Variants in GFRA2 observed in about 807,000 individuals in gnomAD.
The protein encoded by GFRA2 is GDNF family receptor alpha 2.
In GFRA2, 17 loss-of-function variants were observed where a neutral mutation model predicts 48.3. The observed-to-expected ratio is 0.35, with a 90% CI of 0.24 to 0.53. The LOEUF (loss-of-function observed/expected upper bound fraction) is 0.53. GFRA2 is among the 20% of genes least tolerant of loss of function. GFRA2 has a pLI of 0.93. For synonymous variants in GFRA2, 305 were observed against 257.2 expected, an observed-to-expected ratio of 1.19 and a Z score of -1.78; for missense variants, 660 against 637.3, an observed-to-expected ratio of 1.04 and a Z score of -0.38.
At chr8:21,751,853 T>C (rs1315371515) in intron 3 of GFRA2, among the ~76,000 whole-genome samples, 1 of 152,042 alleles carries the variant, frequency 6.6e-6, no homozygotes, top group Non-Finnish European at 1.5e-5. Flanking sequence ...CCGTGTTAGA[T>C]ATAAAAGCGC....
At chr8:21,749,362 T>C (rs1368252792) in intron 4 of GFRA2, among the ~76,000 whole-genome samples, 3 of 152,060 alleles carry the variant, frequency 2.0e-5, no homozygotes, top group African/African-American at 7.2e-5. Context: ...AATAACCCTG[T>C]GACGTGGGTA....
intron 2 of GFRA2, among the ~76,000 whole-genome samples, chr8:21,798,715 G>T (rs1807719536): frequency 6.6e-6 from 1 of 152,272 alleles, no homozygotes; most frequent in East Asian, 1.9e-4. Flanking sequence ...GAGTTCTGGG[G>T]ACCACCCTTC....
At chr8:21,743,277 G>C (rs1804843774) in intron 4 of GFRA2, among the ~76,000 whole-genome samples, 1 of 152,136 alleles carries the variant, frequency 6.6e-6, no homozygotes, top group Non-Finnish European at 1.5e-5. Flanking sequence ...GCTTTGCTCT[G>C]GGGCTGGATG....
chr8:21,713,741 A>G (rs566492270), intron 4 of GFRA2, among the ~76,000 whole-genome samples: 3 of 152,306 alleles, frequency 2.0e-5, no homozygotes, highest in African/African-American at 7.2e-5. Context: ...CGGACAAGCA[A>G]TATCTGAAAT....
At chr8:21,694,627 C>G in intron 7 of GFRA2, 110 bp from the exon 8 acceptor site, 1 of 946,556 alleles carries the variant, frequency 1.1e-6, no homozygotes, top group Non-Finnish European at 1.7e-6. Flanking sequence ...CCGCTAAGCA[C>G]AGCCAGCGCA....
At chr8:21,805,429 G>A (rs1391277170) in intron 1 of GFRA2, among the ~76,000 whole-genome samples, 4 of 152,174 alleles carry the variant, frequency 2.6e-5, no homozygotes, top group Non-Finnish European at 4.4e-5. Flanking sequence ...CTGAAGCAGC[G>A]ACTGAGTACT....
chr8:21,740,419 T>C (rs1192786497), intron 4 of GFRA2, among the ~76,000 whole-genome samples: 4 of 152,138 alleles, frequency 2.6e-5, no homozygotes, highest in Non-Finnish European at 5.9e-5. Context: ...CATCAAAACT[T>C]CTGTGTAAGA....
At chr8:21,776,841 G>A (rs991628540) in intron 2 of GFRA2, among the ~76,000 whole-genome samples, 24 of 152,140 alleles carry the variant, frequency 1.6e-4, no homozygotes, top group South Asian at 1.2e-3. Context: ...TGTCCAGCCT[G>A]GATGATCTCA....
At chr8:21,776,338 T>C (rs945552362) in intron 2 of GFRA2, among the ~76,000 whole-genome samples, 1 of 150,860 alleles carries the variant, frequency 6.6e-6, no homozygotes, top group Non-Finnish European at 1.5e-5. Flanking sequence ...GGAGGAAGCA[T>C]ATTCCCTGCA....
intron 1 of GFRA2, 35 bp from the exon 2 acceptor site, chr8:21,782,934 C>T (rs1479269170): frequency 3.8e-5 from 58 of 1,518,448 alleles, no homozygotes; most frequent in South Asian, 1.2e-4. Context: ...GCATGAATGA[C>T]GGCCGCCACA....
chr8:21,723,644 A>G (rs1307716244), intron 4 of GFRA2, among the ~76,000 whole-genome samples: 1 of 152,144 alleles, frequency 6.6e-6, no homozygotes, highest in African/African-American at 2.4e-5. Context: ...AGTGGGTGGA[A>G]GGAACAGCCC....
chr8:21,724,933 T>C (rs570151349), intron 4 of GFRA2, among the ~76,000 whole-genome samples: 6 of 152,278 alleles, frequency 3.9e-5, no homozygotes, highest in Non-Finnish European at 5.9e-5. Flanking sequence ...TGGGGACCCG[T>C]CCTCTAGTTC....
At chr8:21,711,743 G>C (rs1168126152) in intron 4 of GFRA2, among the ~76,000 whole-genome samples, 1 of 149,522 alleles carries the variant, frequency 6.7e-6, no homozygotes, top group Non-Finnish European at 1.5e-5. Context: ...GGATTTGGCA[G>C]GGTCATAAGA....
rs1026794849 is a variant in GFRA2, at chr8:21,706,009, C to T, written c.827G>A (p.Arg276Gln). The T allele has an allele frequency of 2.2e-5, 35 of 1,578,354 alleles. No homozygotes were observed. The East Asian group carries it at 3.9e-4, about 18-fold the overall frequency. ...GCTGGTGACCGTCTGGTAGGAGGCTCGACAATTGGCATGGAAGTCGGCCAG... is the reference window on the plus strand; with the variant it reads ...GCTGGTGACCGTCTGGTAGGAGGCTTGACAATTGGCATGGAAGTCGGCCAG... ...SRLADFHANC[R>Q]ASYQTVTSCP... Residue 276 changes from arginine (R) to glutamine (Q), a missense_variant, in exon 5 of 9, where the codon CGA becomes CAA. Physicochemically the swap from Arg to Gln is conservative, Grantham distance 43 (BLOSUM62 1). Transcript: ENST00000524240.
Position 21,705,039 on chromosome 8 carries a change from T to C in GFRA2, c.991A>G (p.Met331Val), listed in dbSNP as rs372379278. The change falls in exon 6 of 9, where the codon ATG becomes GTG. Residue 331 changes from methionine (M) to valine (V), a missense_variant. Met to Val is a conservative substitution (Grantham distance 21, BLOSUM62 1). Coordinates refer to ENST00000524240, the MANE Select transcript of GFRA2 (RefSeq NM_001495.5). ...AGGAACTTCTCACACTCCTCCTCCA[T>C]GTTCCCGCTGCCACGACAGCTGCAC... ...PWCSCRGSGNMEEECEKFLRD... is the reference protein window; with the variant it reads ...PWCSCRGSGNVEEECEKFLRD... The C allele has an allele frequency of 1.2e-5, 20 of 1,610,776 alleles. No homozygotes were observed. The African/African-American group carries it at 1.6e-4, about 13-fold the overall frequency.
chr8:21,701,316 C>G (rs183232344), intron 7 of GFRA2, among the ~76,000 whole-genome samples: 2 of 152,210 alleles, frequency 1.3e-5, no homozygotes, highest in Admixed American at 6.5e-5. Context: ...ATGGCGTGAA[C>G]CCAGGAGGTG....
intron 3 of GFRA2, among the ~76,000 whole-genome samples, chr8:21,772,362 G>C (rs1806478893): frequency 6.6e-6 from 1 of 152,218 alleles, no homozygotes; most frequent in Non-Finnish European, 1.5e-5. Context: ...GGAGTGCAGT[G>C]GTGTCATTAT....
At chr8:21,739,388 C>G (rs1243802576) in intron 4 of GFRA2, among the ~76,000 whole-genome samples, 1 of 152,164 alleles carries the variant, frequency 6.6e-6, no homozygotes, top group East Asian at 1.9e-4. Context: ...AAGCAACTCA[C>G]CCTAATTTCC....
chr8:21,711,274 T>C (rs538617632), intron 4 of GFRA2, among the ~76,000 whole-genome samples: 3 of 151,988 alleles, frequency 2.0e-5, no homozygotes, highest in African/African-American at 2.4e-5. Flanking sequence ...TTAAACCCCT[T>C]GTAAGAGAGA....
Sources: allele counts gnomAD v4.1 joint callset (sites outside exome capture counted in the v4.1 genomes callset), GRCh38; gene constraint gnomAD v4.1.1; transcripts MANE v1.5; gene names NCBI Gene and HGNC (gene_info 2026-07-23, HGNC 2026-07-21).